Variants in EPG5 observed in about 807,000 individuals in gnomAD.
The protein encoded by EPG5 is ectopic P granules protein 5 homolog.
Under a neutral mutation model 302.7 loss-of-function variants are expected in EPG5, and 159 were observed. That is an observed-to-expected ratio of 0.53 (90% CI 0.46 to 0.60). The LOEUF is 0.60. Ranked by LOEUF, EPG5 falls within the 20% of genes least tolerant of loss-of-function variation. The pLI, the probability that EPG5 is intolerant of heterozygous loss-of-function variation, is 0.00. For synonymous variants in EPG5, 1,158 were observed against 1,136.8 expected (o/e 1.02, Z -0.37); for missense variants, 2,896 against 3,092.4 (o/e 0.94, Z 1.51).
chr18:45,887,931 T>C lies in EPG5; in HGVS notation c.4953-24A>G, dbSNP rs369089584. 1.6e-4 allele frequency: 236 copies of C among 1,509,398 alleles called. No homozygotes were observed. The African/African-American group carries it at 2.8e-3, about 18-fold the overall frequency. The allele number at this position is 1,509,398 out of a possible 1,614,324, so 93.5% of individuals were successfully genotyped here. On this transcript the variant is annotated intron_variant, in intron 28 of 43. Transcript: ENST00000282041. ...CCCTGTGGGAAAATGTGGGTAAGACTGCAGTCTACAGTAAAAGATTCCATA... is the reference window on the plus strand; with the variant it reads ...CCCTGTGGGAAAATGTGGGTAAGACCGCAGTCTACAGTAAAAGATTCCATA...
At chr18:45,948,691 G>C in intron 5 of EPG5, 115 bp from the exon 6 acceptor site, 3 of 756,662 alleles carry the variant, frequency 4.0e-6, no homozygotes, top group Non-Finnish European at 6.8e-6. Flanking sequence ...AGCTGAAACT[G>C]GTACCTAATA....
In EPG5 at chr18:45,908,197, C is replaced by T. The variant is rs2049805770; in HGVS notation, c.4206-116G>A. 4 of 810,746 alleles carry T rather than the reference C, an allele frequency of 4.9e-6. No individual in the cohort carries two copies. In the South Asian group the frequency reaches 9.0e-5, roughly 18 times the overall value. 50.2% of individuals were successfully genotyped at this position (810,746 alleles called of 1,614,324 possible). On this transcript the variant is annotated intron_variant, in intron 23 of 43. Coordinates refer to ENST00000282041, the MANE Select transcript of EPG5 (RefSeq NM_020964.3). ...ATAAGAGTAAAGAAAGCCCATAATA[C>T]AGAAAATGTGGCCAACAACCACCAC...
chr18:45,897,324 A>T (rs943524947), intron 27 of EPG5, among the ~76,000 whole-genome samples: 5 of 152,284 alleles, frequency 3.3e-5, no homozygotes, highest in Non-Finnish European at 4.4e-5. Flanking sequence ...AATGCATTTT[A>T]GAATTCTCTT....
the EPG5 span, among the ~76,000 whole-genome samples, chr18:45,807,500 G>A: frequency 6.6e-6 from 1 of 152,130 alleles, no homozygotes; most frequent in African/African-American, 2.4e-5. Context: ...ACCTCCACTA[G>A]AACAGGTGCT....
At chr18:45,899,340 TG>T in intron 27 of EPG5, 63 bp downstream of exon 27, 1 of 1,583,786 alleles carries the variant, frequency 6.3e-7, no homozygotes, top group African/African-American at 1.3e-5. Flanking sequence ...TCTTTCTCAT[TG>T]ATAAGCCAAC....
downstream of EPG5, among the ~76,000 whole-genome samples, chr18:45,844,622 T>G (rs1232021920): frequency 6.6e-6 from 1 of 152,174 alleles, no homozygotes; most frequent in East Asian, 1.9e-4. Context: ...CTTCACAAGA[T>G]CTTCACAAGT....
At chr18:45,809,010 G>A in the EPG5 span, among the ~76,000 whole-genome samples, 1 of 152,080 alleles carries the variant, frequency 6.6e-6, no homozygotes, top group African/African-American at 2.4e-5. Context: ...AACACATAAG[G>A]ACTCACATAA....
At chr18:45,939,086 A>G (rs2050603600) in intron 10 of EPG5, among the ~76,000 whole-genome samples, 1 of 152,204 alleles carries the variant, frequency 6.6e-6, no homozygotes, top group South Asian at 2.1e-4. Context: ...TGCCTCAAAC[A>G]GGTCCTAGGC....
intron 27 of EPG5, among the ~76,000 whole-genome samples, chr18:45,894,078 T>G (rs1341525033): frequency 1.3e-5 from 2 of 152,184 alleles, no homozygotes; most frequent in Non-Finnish European, 2.9e-5. Flanking sequence ...AGCATAGAAC[T>G]AATCATAACA....
Position 45,946,663 on chromosome 18 carries a change from C to T in EPG5, c.1677G>A (p.Glu559=). The T allele has an allele frequency of 1.9e-6, 3 of 1,611,422 alleles. No individual in the cohort carries two copies. Among genetic ancestry groups the T allele is most frequent in the Non-Finnish European group, 2.5e-6 (3 of 1,177,822 alleles). ...TWTLVDEGGE[E]DEDPETSWIL... ...AAATAATGCAGATATGACAAGTTAC[C>T]TCTTCTCCTCCTTCGTCTACTAGCG... Residue 559 remains glutamate, a splice_region_variant and synonymous_variant, in exon 7 of 44, where the codon GAG becomes GAA. Coordinates refer to ENST00000282041, the MANE Select transcript of EPG5 (RefSeq NM_020964.3).
intron 9 of EPG5, among the ~76,000 whole-genome samples, chr18:45,940,453 AG>A (rs1323774590): frequency 6.6e-6 from 1 of 152,192 alleles, no homozygotes; most frequent in Non-Finnish European, 1.5e-5. Context: ...AGGTGGGGAA[AG>A]GGCAGAAGCG....
At chr18:45,842,173 A>C in the EPG5 span, 1 of 1,614,150 alleles carries the variant, frequency 6.2e-7, no homozygotes, top group Non-Finnish European at 8.5e-7. Flanking sequence ...ACCAGCCACC[A>C]TGTGCTCACC....
At position 45,852,660 on chromosome 18, in the gene EPG5, CG is replaced by C. The variant is rs2048439445; in HGVS notation, c.7558-12del. 6.2e-7 allele frequency: 1 copy of C among 1,610,894 alleles called. No individual in the cohort carries two copies. On this transcript the variant is annotated splice_polypyrimidine_tract_variant and intron_variant, in intron 43 of 43. Coordinates refer to ENST00000282041, the MANE Select transcript of EPG5 (RefSeq NM_020964.3). ...AAGAGCATTCAGAGCCTAAAAGACA[CG>C]GAAGATGAGAGGGTTAACTCCATAG...
rs534190977 is a variant in EPG5, at chr18:45,880,670, C to T, written c.5519-447G>A. Among the ~76,000 whole-genome samples, 6 of 152,250 alleles carry T rather than the reference C, an allele frequency of 3.9e-5. No individual in the cohort carries two copies. The South Asian group carries it at 1.0e-3, about 26-fold the overall frequency. ...GTCTCCTACCGGCCCCCCAATTCCC[C>T]GAAACCAAGACCCAGAGGCAGCATG... On this transcript the variant is annotated intron_variant, in intron 31 of 43. Transcript: ENST00000282041.
Position 45,899,981 on chromosome 18 carries a change from C to T in EPG5, c.4647-415G>A, listed in dbSNP as rs2049569609. On this transcript the variant is annotated intron_variant, in intron 26 of 43. Transcript: ENST00000282041. Reference sequence around the variant, plus strand: ...AAAGACCAAGAAAGCTAATCGCATACATGGGGTGTCAAAACTGGTCTAACG... The same window carrying T: ...AAAGACCAAGAAAGCTAATCGCATATATGGGGTGTCAAAACTGGTCTAACG... Among the ~76,000 whole-genome samples, 4 of 152,294 alleles carry T rather than the reference C, an allele frequency of 2.6e-5. No homozygotes were observed. In the East Asian group the frequency reaches 5.8e-4, roughly 22 times the overall value.
chr18:45,916,629 A>C, intron 17 of EPG5, 47 bp from the exon 18 acceptor site: 1 of 1,514,920 alleles, frequency 6.6e-7, no homozygotes, highest in Non-Finnish European at 8.9e-7. Flanking sequence ...ATCAGAACTC[A>C]ACAGAATTTT....
intron 4 of EPG5, among the ~76,000 whole-genome samples, chr18:45,950,058 T>C (rs2143703143): frequency 6.6e-6 from 1 of 152,324 alleles, no homozygotes; most frequent in African/African-American, 2.4e-5. Context: ...TCCTAAGTTT[T>C]CCAAATCCTT....
chr18:45,897,841 C>T (rs1436149536), intron 27 of EPG5, among the ~76,000 whole-genome samples: 2 of 151,968 alleles, frequency 1.3e-5, no homozygotes, highest in African/African-American at 4.8e-5. Flanking sequence ...TTGATGGAGA[C>T]ATTGGAATAG....
chr18:45,923,515 T>A (rs2050201549), intron 14 of EPG5, 128 bp from the exon 15 acceptor site: 1 of 988,306 alleles, frequency 1.0e-6, no homozygotes, highest in Non-Finnish European at 1.5e-6. Flanking sequence ...GTTCCAAAAA[T>A]CACATCCCAC....
Sources: gnomAD v4.1 joint callset for allele counts (sites outside exome capture counted in the v4.1 genomes callset) on GRCh38, gnomAD v4.1.1 for gene constraint, MANE v1.5 for transcripts, NCBI Gene and HGNC (gene_info 2026-07-23, HGNC 2026-07-21) for gene names.